IL1RAPL2: variants seen among roughly 807,000 people sequenced by gnomAD.
IL1RAPL2 encodes the protein X-linked interleukin-1 receptor accessory protein-like 2.
A neutral mutation model predicts 44.1 loss-of-function variants in IL1RAPL2; 3 were observed. The observed-to-expected ratio is 0.07, with a 90% confidence interval of 0.03 to 0.18. The LOEUF is 0.18. Among genes scored for constraint, IL1RAPL2 ranks in the 10% least tolerant of loss-of-function variants. The pLI, the probability that IL1RAPL2 is intolerant of heterozygous loss-of-function variation, is 1.00. For missense variants in IL1RAPL2, 391 were observed against 496.4 expected (o/e 0.79, Z 2.02); for synonymous variants, 181 against 178.8 (o/e 1.01, Z -0.10).
At chrX:104,875,176 C>T (rs17003888) in intron 2 of IL1RAPL2, among the ~76,000 whole-genome samples, 5,982 of 111,622 alleles carry the variant, frequency 0.054, 418 homozygotes, top group African/African-American at 0.19. Context: ...GAAGCCTGCC[C>T]TGGCAATTCC....
chrX:104,956,461 AGTGTGTGTGTGTGT>A lies in IL1RAPL2; in HGVS notation c.83-238993_83-238980del, dbSNP rs59541869. Reference sequence around the variant, plus strand: ...ACATGGCAAAACCCTGTCTCTACTAAGTGTGTGTGTGTGTGTGTGTGTGTGTGTGTGTGTTATGC... The same window carrying A: ...ACATGGCAAAACCCTGTCTCTACTAAGTGTGTGTGTGTGTGTGTGTTATGC... On this transcript the variant is annotated intron_variant, in intron 2 of 10. Transcript: ENST00000372582. Among the ~76,000 whole-genome samples the A allele has an allele frequency of 3.6e-5, 3 of 84,088 alleles. No individual in the cohort carries two copies. In the South Asian group the frequency reaches 2.1e-3, roughly 58 times the overall value. The allele number at this position is 84,088 out of a possible 115,157, so 73.0% of individuals were successfully genotyped here.
rs780163612 is a variant in IL1RAPL2, at chrX:105,267,380, A to G, written c.544-8A>G. The G allele has an allele frequency of 2.5e-6, 3 of 1,191,759 alleles. No individual in the cohort carries two copies. Among genetic ancestry groups the G allele is most frequent in the South Asian group, 1.9e-5 (1 of 53,112 alleles). On this transcript the variant is annotated splice_region_variant and splice_polypyrimidine_tract_variant and intron_variant, in intron 4 of 10. Coordinates refer to ENST00000372582, the MANE Select transcript of IL1RAPL2 (RefSeq NM_017416.2). ...TTTTTTGCTTACTTGCAAATATTTTATCTGCAGGAATGCAAGCCAAAAATG... is the reference window on the plus strand; with the variant it reads ...TTTTTTGCTTACTTGCAAATATTTTGTCTGCAGGAATGCAAGCCAAAAATG...
intron 2 of IL1RAPL2, among the ~76,000 whole-genome samples, chrX:105,148,052 G>A (rs947235176): frequency 2.7e-5 from 3 of 111,381 alleles, no homozygotes; most frequent in South Asian, 7.6e-4. Flanking sequence ...TCAAAGCAGA[G>A]CATTATTGGT....
At chrX:104,906,251 C>T (rs1292351981) in intron 2 of IL1RAPL2, among the ~76,000 whole-genome samples, 38 of 111,409 alleles carry the variant, frequency 3.4e-4, no homozygotes, top group South Asian at 1.2e-3. Flanking sequence ...CATCTGCAAA[C>T]GGGGACAATT....
chrX:105,260,180 G>C (rs2034346159), intron 4 of IL1RAPL2, among the ~76,000 whole-genome samples: 2 of 112,384 alleles, frequency 1.8e-5, no homozygotes. Flanking sequence ...CAGCTCTGCT[G>C]TGCTGGGGGT....
chrX:105,745,191 G>A (rs1289309090), intron 8 of IL1RAPL2, among the ~76,000 whole-genome samples: 1 of 111,420 alleles, frequency 9.0e-6, no homozygotes, highest in African/African-American at 3.3e-5. Flanking sequence ...TTCTGATCAC[G>A]ACTATTTAGG....
Position 105,067,216 on chromosome X carries a change from A to G in IL1RAPL2, c.83-128259A>G, listed in dbSNP as rs1480072222. Among the ~76,000 whole-genome samples, 7 of 110,923 alleles carry G rather than the reference A, an allele frequency of 6.3e-5. No homozygotes were observed. In the East Asian group the frequency reaches 2.0e-3, roughly 32 times the overall value. On this transcript the variant is annotated intron_variant, in intron 2 of 10. Transcript: ENST00000372582. The stretch of plus-strand genomic sequence containing the variant: ...GTAAAATACCTGCAGAGACACACAC[A>G]CGCGCACACACACATACACACGTGT...
chrX:104,913,824 A>G (rs928044431), intron 2 of IL1RAPL2, among the ~76,000 whole-genome samples: 4 of 112,217 alleles, frequency 3.6e-5, no homozygotes, highest in African/African-American at 1.3e-4. Flanking sequence ...TTCTTTAAAA[A>G]TGTATTAGGG....
chrX:105,649,300 G>T (rs2037627024), intron 6 of IL1RAPL2, among the ~76,000 whole-genome samples: 1 of 110,198 alleles, frequency 9.1e-6, no homozygotes, highest in Non-Finnish European at 1.9e-5. Flanking sequence ...CATCAGTCAA[G>T]CAAAAAGAGG....
intron 5 of IL1RAPL2, among the ~76,000 whole-genome samples, chrX:105,362,129 T>C (rs961899647): frequency 3.6e-5 from 4 of 112,171 alleles, no homozygotes; most frequent in African/African-American, 1.3e-4. Flanking sequence ...CTTCAGAATG[T>C]CCTTAAAGCT....
chrX:105,611,338 AC>A (rs1447992168), intron 6 of IL1RAPL2, among the ~76,000 whole-genome samples: 1 of 111,890 alleles, frequency 8.9e-6, no homozygotes, highest in Non-Finnish European at 1.9e-5. Context: ...CCCTAAGTAT[AC>A]AGTGTTCATA....
intron 2 of IL1RAPL2, among the ~76,000 whole-genome samples, chrX:105,175,965 C>G (rs1045831640): frequency 9.0e-6 from 1 of 110,572 alleles, no homozygotes; most frequent in African/African-American, 3.3e-5. Flanking sequence ...ATAATTGATG[C>G]TGTAAAGGTG....
chrX:104,972,543 G>C (rs767080011), intron 2 of IL1RAPL2, among the ~76,000 whole-genome samples: 1 of 111,630 alleles, frequency 9.0e-6, no homozygotes, highest in Non-Finnish European at 1.9e-5. Flanking sequence ...CCAGAAGATG[G>C]AACTCTCTAT....
intron 2 of IL1RAPL2, among the ~76,000 whole-genome samples, chrX:104,893,518 A>C (rs1923533071): frequency 1.8e-5 from 2 of 111,638 alleles, no homozygotes. Context: ...TTCTTGTTGA[A>C]TTGATCCCTT....
chrX:105,028,123 G>A (rs779966541), intron 2 of IL1RAPL2, among the ~76,000 whole-genome samples: 1 of 111,146 alleles, frequency 9.0e-6, no homozygotes, highest in South Asian at 3.8e-4. Flanking sequence ...ATCTAAAAAT[G>A]AAAACAACTG....
intron 2 of IL1RAPL2, among the ~76,000 whole-genome samples, chrX:104,753,630 A>G (rs1932298911): frequency 1.8e-5 from 2 of 111,587 alleles, no homozygotes; most frequent in African/African-American, 6.5e-5. Flanking sequence ...TTGAAGGGTA[A>G]GTTTTCCTGA....
At chrX:104,630,462 ATT>A (rs758259103) in intron 1 of IL1RAPL2, among the ~76,000 whole-genome samples, 2 of 90,339 alleles carry the variant, frequency 2.2e-5, no homozygotes. Context: ...ATTTTTTTGT[ATT>A]TTTTTTTTTT....
intron 1 of IL1RAPL2, among the ~76,000 whole-genome samples, chrX:104,593,235 C>A (rs1325113558): frequency 9.0e-6 from 1 of 111,655 alleles, no homozygotes; most frequent in African/African-American, 3.3e-5. Flanking sequence ...TTCTTAATCT[C>A]CTTTGACCAA....
rs148346005 is a variant in IL1RAPL2, at chrX:104,942,632, G to A, written c.83-252843G>A. Among the ~76,000 whole-genome samples the A allele has an allele frequency of 4.2e-3, 470 of 111,314 alleles. 3 individuals are homozygous for A. The highest frequency in any genetic ancestry group is 6.2e-3 in the Non-Finnish European group (331 of 53,050). On this transcript the variant is annotated intron_variant, in intron 2 of 10. Transcript: ENST00000372582. The stretch of plus-strand genomic sequence containing the variant: ...GGTTTTCTAAATATACAATCATGTC[G>A]TCTGCAAAAAGGGACAATTTGACTT...
Sources: allele counts gnomAD v4.1 joint callset (sites outside exome capture counted in the v4.1 genomes callset), GRCh38; gene constraint gnomAD v4.1.1; transcripts MANE v1.5; gene names NCBI Gene and HGNC (gene_info 2026-07-23, HGNC 2026-07-21).